Variants in GCNT4 observed in about 807,000 individuals in gnomAD.
The protein encoded by GCNT4 is beta-1,3-galactosyl-O-glycosyl-glycoprotein beta-1,6-N-acetylglucosaminyltransferase 4.
In GCNT4, 17 loss-of-function variants were observed where a neutral mutation model predicts 31.3. The observed-to-expected ratio is 0.54, with a 90% CI of 0.37 to 0.81. The LOEUF (loss-of-function observed/expected upper bound fraction) is 0.81. GCNT4 is among the 40% of genes least tolerant of loss of function. GCNT4 has a pLI of 0.00. For synonymous variants in GCNT4, 158 were observed against 190.6 expected (o/e 0.83, Z 1.41); for missense variants, 503 against 525.5 (o/e 0.96, Z 0.42).
chr5:75,027,291 TTTA>T lies in GCNT4; in HGVS notation c.*1382_*1384del, dbSNP rs1220239982. ...TTCATTATATGTTATATAATATATA[TTTA>T]TATATATATAATTATATGTATATAT... On this transcript the variant is annotated 3_prime_UTR_variant, in exon 4 of 4. Transcript: ENST00000652361. 4 of 107,310 alleles carry T rather than the reference TTTA, an allele frequency of 3.7e-5. No individual in the cohort carries two copies. Among genetic ancestry groups the T allele is most frequent in the Non-Finnish European group, 6.8e-5 (4 of 58,870 alleles). 6.6% of individuals were successfully genotyped at this position (107,310 alleles called of 1,614,324 possible).
rs79505767 is a variant in GCNT4 at position 75,038,647 on chromosome 5, C to T, written c.-1-8609G>A. ...GTGTTCTCACATGGCAAAGGGCAGA[C>T]GGGCAAAGGGGGGGAGAGGTGAATG... is the stretch of plus-strand genomic sequence containing the variant. On this transcript the variant is annotated intron_variant, in intron 3 of 3. Transcript: ENST00000652361. Among the ~76,000 whole-genome samples the T allele has an allele frequency of 1.3e-3, 195 of 152,194 alleles. 3 individuals carry two copies. In the East Asian group the frequency reaches 0.031, roughly 24 times the overall value.
chr5:75,040,544 C>A (rs1263587437), intron 3 of GCNT4, among the ~76,000 whole-genome samples: 1 of 152,184 alleles, frequency 6.6e-6, no homozygotes, highest in African/African-American at 2.4e-5. Context: ...ATCACTTAAT[C>A]TTGGCAAATC....
intron 3 of GCNT4, among the ~76,000 whole-genome samples, chr5:75,044,275 T>C (rs1313821747): frequency 6.6e-6 from 1 of 152,098 alleles, no homozygotes; most frequent in African/African-American, 2.4e-5. Flanking sequence ...CGCCTGAATG[T>C]GCCCCTTTTC....
chr5:75,034,760 A>G (rs73122585), intron 3 of GCNT4, among the ~76,000 whole-genome samples: 5,403 of 152,276 alleles, frequency 0.035, 316 homozygotes, highest in African/African-American at 0.12. Context: ...TATGGTCTAT[A>G]ATAATTCAGT....
intron 3 of GCNT4, among the ~76,000 whole-genome samples, chr5:75,041,728 T>C (rs945647828): frequency 2.0e-5 from 3 of 152,208 alleles, no homozygotes; most frequent in Non-Finnish European, 2.9e-5. Flanking sequence ...ATTCAGCCCA[T>C]GGTCACACCA....
chr5:75,043,917 C>A (rs547875578), intron 3 of GCNT4, among the ~76,000 whole-genome samples: 76 of 152,160 alleles, frequency 5.0e-4, no homozygotes, highest in Admixed American at 3.3e-4. Context: ...TGCTGAACTT[C>A]TCATCCATCT....
intron 3 of GCNT4, among the ~76,000 whole-genome samples, chr5:75,035,360 A>T (rs1363036222): frequency 6.6e-6 from 1 of 152,240 alleles, no homozygotes; most frequent in East Asian, 1.9e-4. Flanking sequence ...AAGACTGAGG[A>T]AAAAAGGACA....
chr5:75,023,963 A>G (rs1742911669), downstream of GCNT4: 1 of 152,084 alleles, frequency 6.6e-6, no homozygotes, highest in Non-Finnish European at 1.5e-5. Flanking sequence ...CCCGATGAAG[A>G]GTCTTCCTGT....
intron 2 of GCNT4, among the ~76,000 whole-genome samples, chr5:75,050,841 C>A (rs1423759169): frequency 6.6e-6 from 1 of 152,248 alleles, no homozygotes; most frequent in Non-Finnish European, 1.5e-5. Context: ...GTCTCAACTG[C>A]CAGGCCTCCT....
chr5:75,029,275 C>A lies in GCNT4; in HGVS notation c.763G>T (p.Val255Leu). The A allele has an allele frequency of 6.2e-7, 1 of 1,614,124 alleles. No homozygotes were observed. The highest frequency in any genetic ancestry group is 8.5e-7 in the Non-Finnish European group (1 of 1,180,024). ...TCCAATTTACTGTTTGGGGGTTTCA[C>A]CGTCTCCAACATATTTGCTCCATTG... ...KLNGANMLET[V>L]KPPNSKLERF... The change falls in exon 4 of 4, where the codon GTG (valine) becomes TTG (leucine). Residue 255 changes from valine to leucine, a missense_variant. Transcript: ENST00000652361.
At chr5:75,036,669 G>A (rs1743207910) in intron 3 of GCNT4, among the ~76,000 whole-genome samples, 1 of 152,218 alleles carries the variant, frequency 6.6e-6, no homozygotes, top group African/African-American at 2.4e-5. Flanking sequence ...GAATGAGCCT[G>A]GAGGAATGCT....
At chr5:75,018,000 G>A in the GCNT4 span, among the ~76,000 whole-genome samples, 1 of 152,192 alleles carries the variant, frequency 6.6e-6, no homozygotes, top group East Asian at 1.9e-4. Context: ...GAGCTTGTTA[G>A]AAATGCAGCA....
intron 3 of GCNT4, among the ~76,000 whole-genome samples, chr5:75,047,244 A>G (rs981429333): frequency 1.3e-5 from 2 of 152,228 alleles, no homozygotes; most frequent in South Asian, 2.1e-4. Context: ...CTCAGGCCCA[A>G]CTGAAAAACT....
chr5:75,048,569 C>T (rs1743497462), intron 2 of GCNT4, among the ~76,000 whole-genome samples: 1 of 152,188 alleles, frequency 6.6e-6, no homozygotes, highest in African/African-American at 2.4e-5. Context: ...AAACCAAAAC[C>T]ATCGTGCTCC....
rs1163054099 is a variant in GCNT4 at position 75,029,011 on chromosome 5, T to C, written c.1027A>G (p.Ile343Val). Residue 343 changes from isoleucine to valine, a missense_variant, in exon 4 of 4, where the codon ATT becomes GTT. Coordinates refer to ENST00000652361, the MANE Select transcript of GCNT4 (RefSeq NM_001366737.1). ...SPDEHFWATL[I>V]RVPGIPGEIS... is the part of the protein sequence containing the mutation. ...TCCCCAGGTATTCCTGGAACCCGAA[T>C]CAAGGTAGCCCAAAAGTGCTCATCA... 1.9e-6 allele frequency: 3 copies of C among 1,613,994 alleles called. No homozygotes were observed. The highest frequency in any genetic ancestry group is 2.5e-6 in the Non-Finnish European group (3 of 1,180,028).
chr5:75,037,008 T>C (rs1000036505), intron 3 of GCNT4, among the ~76,000 whole-genome samples: 1 of 152,238 alleles, frequency 6.6e-6, no homozygotes, highest in Admixed American at 6.5e-5. Context: ...TATTATTACA[T>C]ATCAGTTTGA....
intron 2 of GCNT4, among the ~76,000 whole-genome samples, chr5:75,049,621 A>T (rs1266397357): frequency 6.6e-6 from 1 of 152,228 alleles, no homozygotes; most frequent in African/African-American, 2.4e-5. Flanking sequence ...CAAAACATAC[A>T]TCTCTAAATT....
In GCNT4 at chr5:75,025,869, G is replaced by C. The variant is rs768288935; in HGVS notation, c.*2807C>G. 2 of 152,120 alleles carry C rather than the reference G, an allele frequency of 1.3e-5. No individual in the cohort carries two copies. Among genetic ancestry groups the C allele is most frequent in the African/African-American group, 2.4e-5 (1 of 41,418 alleles). 9.4% of individuals were successfully genotyped at this position (152,120 alleles called of 1,614,324 possible). On this transcript the variant is annotated 3_prime_UTR_variant, in exon 4 of 4. Transcript: ENST00000652361. ...CCACATACAGTTTAGAAACTCTAAG[G>C]TTCTGGTCTGATCTCTGAATAACTT... is the stretch of plus-strand genomic sequence containing the variant.
intron 3 of GCNT4, among the ~76,000 whole-genome samples, chr5:75,044,305 C>T (rs1018436699): frequency 6.6e-6 from 1 of 151,976 alleles, no homozygotes; most frequent in Non-Finnish European, 1.5e-5. Context: ...GCTGCCTGAC[C>T]CCATTCCTCT....
Sources: allele counts gnomAD v4.1 joint callset (sites outside exome capture counted in the v4.1 genomes callset), GRCh38; gene constraint gnomAD v4.1.1; transcripts MANE v1.5; gene names NCBI Gene and HGNC (gene_info 2026-07-23, HGNC 2026-07-21).